Variants in SH3GL2 observed in about 807,000 individuals in gnomAD.
SH3GL2 encodes the protein endophilin-A1.
Under a neutral mutation model 46.0 loss-of-function variants are expected in SH3GL2, and 24 were observed. The ratio of observed to expected loss-of-function variants is 0.52; its 90% confidence interval spans 0.38 to 0.73. The LOEUF (loss-of-function observed/expected upper bound fraction) is 0.73, where lower values mean the gene tolerates loss of function less well. SH3GL2 is among the 30% of genes least tolerant of loss of function. The pLI, the probability that SH3GL2 is intolerant of heterozygous loss-of-function variation, is 0.00. For synonymous variants in SH3GL2, 196 were observed against 147.1 expected (o/e 1.33, Z -2.40); for missense variants, 413 against 424.2 (o/e 0.97, Z 0.23).
At chr9:17,643,830 G>C (rs1819742095) in intron 1 of SH3GL2, among the ~76,000 whole-genome samples, 1 of 152,168 alleles carries the variant, frequency 6.6e-6, no homozygotes, top group African/African-American at 2.4e-5. Context: ...TTGGTATCAG[G>C]ATGATGCTGG....
At chr9:17,661,842 T>C (rs1414307174) in intron 1 of SH3GL2, among the ~76,000 whole-genome samples, 2 of 152,220 alleles carry the variant, frequency 1.3e-5, no homozygotes, top group Non-Finnish European at 2.9e-5. Flanking sequence ...GTAATACTTA[T>C]GTAACATAAC....
intron 4 of SH3GL2, among the ~76,000 whole-genome samples, chr9:17,786,725 C>CA (rs371447198): frequency 2.8e-4 from 42 of 151,308 alleles, no homozygotes; most frequent in Non-Finnish European, 5.6e-4. Flanking sequence ...TTTCTTCCCA[C>CA]CCCCCCCACT....
chr9:17,617,836 G>C (rs918731884), intron 1 of SH3GL2, among the ~76,000 whole-genome samples: 3 of 152,030 alleles, frequency 2.0e-5, no homozygotes, highest in Non-Finnish European at 4.4e-5. Context: ...TGTATGTCAG[G>C]ACCATCTTCT....
At chr9:17,640,063 A>T (rs1439798234) in intron 1 of SH3GL2, among the ~76,000 whole-genome samples, 1 of 152,180 alleles carries the variant, frequency 6.6e-6, no homozygotes, top group Non-Finnish European at 1.5e-5. Context: ...GGTGGGAGTT[A>T]TAAGGTTGTG....
intron 1 of SH3GL2, among the ~76,000 whole-genome samples, chr9:17,659,445 G>A (rs895574130): frequency 1.4e-5 from 2 of 147,650 alleles, no homozygotes; most frequent in Non-Finnish European, 3.0e-5. Context: ...GAAGTAAGTG[G>A]TGTGTGTGTG....
chr9:17,693,605 A>T (rs1367133728), intron 1 of SH3GL2, among the ~76,000 whole-genome samples: 1 of 152,182 alleles, frequency 6.6e-6, no homozygotes, highest in Non-Finnish European at 1.5e-5. Flanking sequence ...GGCTGCCTTT[A>T]TTCTGCCATT....
intron 3 of SH3GL2, among the ~76,000 whole-genome samples, chr9:17,769,582 A>C (rs1823412929): frequency 6.6e-6 from 1 of 151,908 alleles, no homozygotes; most frequent in Admixed American, 6.6e-5. Flanking sequence ...GCTCCTGTTA[A>C]TGTCTGCTGC....
chr9:17,700,889 C>G (rs1381767972), intron 1 of SH3GL2, among the ~76,000 whole-genome samples: 2 of 152,166 alleles, frequency 1.3e-5, no homozygotes, highest in East Asian at 3.9e-4. Context: ...TTTGCACCAA[C>G]CTAAATAGAA....
At chr9:17,777,696 G>C (rs1420185271) in intron 3 of SH3GL2, among the ~76,000 whole-genome samples, 1 of 152,004 alleles carries the variant, frequency 6.6e-6, no homozygotes, top group Non-Finnish European at 1.5e-5. Context: ...TGTGTGGAGG[G>C]AGAGAGATTG....
At chr9:17,693,774 A>G (rs866710217) in intron 1 of SH3GL2, among the ~76,000 whole-genome samples, 1 of 152,198 alleles carries the variant, frequency 6.6e-6, no homozygotes, top group Non-Finnish European at 1.5e-5. Flanking sequence ...AATGCCTGGC[A>G]AGGCTTTTGA....
Position 17,737,243 on chromosome 9 carries a change from C to G in SH3GL2, c.46-9823C>G, listed in dbSNP as rs554897960. On this transcript the variant is annotated intron_variant, in intron 1 of 8. Coordinates refer to ENST00000380607, the MANE Select transcript of SH3GL2 (RefSeq NM_003026.5). ...GGGAGGGATAGCATTAGGAGAAATA[C>G]CTAATGTAGATGACAGGTTGATGGG... is the stretch of plus-strand genomic sequence containing the variant. Among the ~76,000 whole-genome samples, 331 of 152,018 alleles carry G rather than the reference C, an allele frequency of 2.2e-3. 3 individuals are homozygous for G. Among genetic ancestry groups the G allele is most frequent in the African/African-American group, 7.6e-3 (316 of 41,444 alleles).
chr9:17,641,561 G>A (rs1028424623), intron 1 of SH3GL2, among the ~76,000 whole-genome samples: 14 of 152,188 alleles, frequency 9.2e-5, no homozygotes, highest in Admixed American at 7.8e-4. Flanking sequence ...ATCTACATTA[G>A]GTATTTCTTC....
intron 1 of SH3GL2, among the ~76,000 whole-genome samples, chr9:17,725,491 C>G (rs1821998831): frequency 1.3e-5 from 2 of 152,126 alleles, no homozygotes; most frequent in Admixed American, 1.3e-4. Context: ...CTTCTCCCCT[C>G]TTTGTTCCCA....
chr9:17,769,858 ATATT>A (rs1823421488), intron 3 of SH3GL2, among the ~76,000 whole-genome samples: 1 of 152,152 alleles, frequency 6.6e-6, no homozygotes, highest in Admixed American at 6.5e-5. Flanking sequence ...CCCTCAGTAA[ATATT>A]TATTGAATGA....
At chr9:17,667,880 T>G (rs534298058) in intron 1 of SH3GL2, among the ~76,000 whole-genome samples, 1 of 152,346 alleles carries the variant, frequency 6.6e-6, no homozygotes, top group Non-Finnish European at 1.5e-5. Context: ...TATTGTGATT[T>G]GATTTGTGTT....
At chr9:17,695,905 A>T (rs2118164540) in intron 1 of SH3GL2, among the ~76,000 whole-genome samples, 1 of 152,302 alleles carries the variant, frequency 6.6e-6, no homozygotes, top group South Asian at 2.1e-4. Flanking sequence ...AGTAAGTCAT[A>T]GAGGCCTTTT....
At chr9:17,619,787 G>A (rs7870340) in intron 1 of SH3GL2, among the ~76,000 whole-genome samples, 12,246 of 152,182 alleles carry the variant, frequency 0.08, 988 homozygotes, top group African/African-American at 0.22. Context: ...AATTGACATG[G>A]ACACATTTAT....
At chr9:17,653,508 A>G (rs117817253) in intron 1 of SH3GL2, among the ~76,000 whole-genome samples, 1,997 of 152,116 alleles carry the variant, frequency 0.013, 18 homozygotes, top group African/African-American at 0.019. Flanking sequence ...TCTTTTATTG[A>G]TGGTGCTTCT....
At chr9:17,678,376 T>C (rs1820671441) in intron 1 of SH3GL2, among the ~76,000 whole-genome samples, 1 of 152,246 alleles carries the variant, frequency 6.6e-6, no homozygotes, top group Non-Finnish European at 1.5e-5. Flanking sequence ...TGCATTTCTC[T>C]GATGGTCAGT....
Sources: gnomAD v4.1 joint callset for allele counts (sites outside exome capture counted in the v4.1 genomes callset) on GRCh38, gnomAD v4.1.1 for gene constraint, MANE v1.5 for transcripts, NCBI Gene and HGNC (gene_info 2026-07-23, HGNC 2026-07-21) for gene names.